The following CRTC3 variants were observed in gnomAD, a reference collection of about 807,000 sequenced individuals.
CRTC3 encodes the protein CREB-regulated transcription coactivator 3.
CRTC3 carries 26 observed loss-of-function variants against 74.5 expected under a neutral mutation model. The observed-to-expected ratio is 0.35, with a 90% CI of 0.26 to 0.48. The LOEUF is 0.48. Among genes scored for constraint, CRTC3 ranks in the 20% least tolerant of loss-of-function variants. CRTC3 has a pLI of 0.99. For synonymous variants in CRTC3, 377 were observed against 325.8 expected (o/e 1.16, Z -1.69); for missense variants, 760 against 787.3 (o/e 0.97, Z 0.41).
At chr15:90,562,811 G>A (rs1372779849) in intron 2 of CRTC3, among the ~76,000 whole-genome samples, 1 of 151,978 alleles carries the variant, frequency 6.6e-6, no homozygotes, top group Non-Finnish European at 1.5e-5. Flanking sequence ...GGAAGAGGGG[G>A]GTCAGTTGAC....
chr15:90,540,689 C>T (rs1222427497), intron 2 of CRTC3, among the ~76,000 whole-genome samples: 1 of 152,154 alleles, frequency 6.6e-6, no homozygotes, highest in Non-Finnish European at 1.5e-5. Flanking sequence ...ATGAGAATCG[C>T]TTGAACCCAG....
chr15:90,604,191 G>C, intron 4 of CRTC3, 194 bp from the exon 5 acceptor site: 1 of 565,064 alleles, frequency 1.8e-6, no homozygotes, highest in Non-Finnish European at 3.2e-6. Context: ...AGAGATCACA[G>C]GACTGGAAGG....
chr15:90,553,754 C>G (rs1448226711), intron 2 of CRTC3, among the ~76,000 whole-genome samples: 1 of 152,168 alleles, frequency 6.6e-6, no homozygotes, highest in Non-Finnish European at 1.5e-5. Context: ...TAAAATACCC[C>G]TCCAAGTAAT....
chr15:90,534,447 A>G (rs552463006), intron 1 of CRTC3, among the ~76,000 whole-genome samples: 28 of 152,336 alleles, frequency 1.8e-4, no homozygotes, highest in Non-Finnish European at 2.6e-4. Flanking sequence ...ATGTAGCCAC[A>G]GAAGTAGATT....
chr15:90,583,591 G>C (rs1048832068), intron 2 of CRTC3, among the ~76,000 whole-genome samples: 1 of 152,184 alleles, frequency 6.6e-6, no homozygotes, highest in Non-Finnish European at 1.5e-5. Flanking sequence ...TCACTTCTGC[G>C]AGACTGGAAT....
At chr15:90,585,295 C>T (rs1220710727) in intron 2 of CRTC3, among the ~76,000 whole-genome samples, 9 of 152,086 alleles carry the variant, frequency 5.9e-5, no homozygotes. Context: ...CAGGTGTGTG[C>T]CACTGTGGCT....
At chr15:90,537,039 C>G (rs914468270) in intron 1 of CRTC3, among the ~76,000 whole-genome samples, 25 of 152,310 alleles carry the variant, frequency 1.6e-4, no homozygotes, top group Non-Finnish European at 2.6e-4. Context: ...GAAATGTGGC[C>G]TATGGGCTGC....
intron 2 of CRTC3, among the ~76,000 whole-genome samples, chr15:90,580,997 GAT>G (rs1455866956): frequency 6.6e-6 from 1 of 152,218 alleles, no homozygotes; most frequent in African/African-American, 2.4e-5. Flanking sequence ...TCTCCCAAGA[GAT>G]AGTGAATGCT....
intron 2 of CRTC3, among the ~76,000 whole-genome samples, chr15:90,556,646 T>C (rs772958111): frequency 4.6e-5 from 7 of 152,168 alleles, no homozygotes; most frequent in Admixed American, 6.5e-5. Context: ...ATACGTCTTA[T>C]ATATTGACTT....
intron 6 of CRTC3, 172 bp from the exon 7 acceptor site, chr15:90,614,281 C>T (rs1968434271): frequency 3.7e-6 from 2 of 540,620 alleles, no homozygotes; most frequent in East Asian, 3.1e-5. Context: ...TTAGCTATAC[C>T]TATTTTTAGT....
intron 2 of CRTC3, among the ~76,000 whole-genome samples, chr15:90,546,150 A>G (rs1463293584): frequency 2.0e-5 from 3 of 151,758 alleles, no homozygotes; most frequent in African/African-American, 7.3e-5. Context: ...TTTTTTTTCT[A>G]TGTGTTTCTC....
chr15:90,627,089 C>T (rs1968862517), intron 10 of CRTC3, among the ~76,000 whole-genome samples: 1 of 152,230 alleles, frequency 6.6e-6, no homozygotes, highest in South Asian at 2.1e-4. Flanking sequence ...TGAGACTCAT[C>T]CATGCAAATC....
chr15:90,621,788 G>A (rs1968660749), intron 9 of CRTC3, among the ~76,000 whole-genome samples: 1 of 152,194 alleles, frequency 6.6e-6, no homozygotes. Flanking sequence ...AGAGAAAGTT[G>A]CTTTCTTGCT....
chr15:90,629,276 T>G lies in CRTC3; in HGVS notation c.1010T>G (p.Leu337Arg). 1 of 1,614,202 alleles carries G rather than the reference T, an allele frequency of 6.2e-7. No homozygotes were observed. The highest frequency in any genetic ancestry group is 1.3e-5 in the African/African-American group (1 of 75,060). ...SRSNPSIQAT[L>R]NKTVLSSSLN... ...AGTAACCCCTCCATCCAAGCCACGCTCAATAAGACTGTGCTTTCCTCTTCC... is the reference window on the plus strand; with the variant it reads ...AGTAACCCCTCCATCCAAGCCACGCGCAATAAGACTGTGCTTTCCTCTTCC... The change falls in exon 11 of 15, where the codon CTC (leucine) becomes CGC (arginine). Residue 337 changes from leucine (L) to arginine (R), a missense_variant. Transcript: ENST00000268184.
In CRTC3 at chr15:90,592,162, C is replaced by T. The variant is rs561474247; in HGVS notation, c.232-1474C>T. Among the ~76,000 whole-genome samples, 5 of 152,214 alleles carry T rather than the reference C, an allele frequency of 3.3e-5. No homozygotes were observed. In the East Asian group the frequency reaches 9.6e-4, roughly 29 times the overall value. On this transcript the variant is annotated intron_variant, in intron 2 of 14. Coordinates refer to ENST00000268184, the MANE Select transcript of CRTC3 (RefSeq NM_022769.5). ...AAATTAGTTTTTAGCTGAAGGAAGT[C>T]CCCTATAAAAACATTGCGTCACAGG...
intron 6 of CRTC3, chr15:90,614,206 CAGTA>C: frequency 2.3e-6 from 1 of 442,312 alleles, no homozygotes; most frequent in Non-Finnish European, 4.1e-6. Flanking sequence ...AGGACAGTGA[CAGTA>C]AGAAAATTTC....
At chr15:90,535,631 C>A (rs531510353) in intron 1 of CRTC3, among the ~76,000 whole-genome samples, 2 of 150,346 alleles carry the variant, frequency 1.3e-5, no homozygotes, top group African/African-American at 4.9e-5. Flanking sequence ...TGAATATTTG[C>A]GCAGACTCAT....
At chr15:90,636,708 A>G (rs1367887544) in intron 11 of CRTC3, among the ~76,000 whole-genome samples, 1 of 151,450 alleles carries the variant, frequency 6.6e-6, no homozygotes. Flanking sequence ...AATTTACAAG[A>G]AAAAAACAAA....
intron 2 of CRTC3, among the ~76,000 whole-genome samples, chr15:90,579,931 C>T (rs1212880363): frequency 6.6e-6 from 1 of 152,080 alleles, no homozygotes; most frequent in Non-Finnish European, 1.5e-5. Context: ...CATGAGCCAC[C>T]TGCCCAGACA....
Sources: gnomAD v4.1 joint callset for allele counts (sites outside exome capture counted in the v4.1 genomes callset) on GRCh38, gnomAD v4.1.1 for gene constraint, MANE v1.5 for transcripts, NCBI Gene and HGNC (gene_info 2026-07-23, HGNC 2026-07-21) for gene names.